The following SPRYD7 variants were observed in gnomAD, a reference collection of about 807,000 sequenced individuals.
SPRYD7 encodes the protein SPRY domain-containing protein 7.
In SPRYD7, 14 loss-of-function variants were observed where a neutral mutation model predicts 23.8. The ratio of observed to expected loss-of-function variants is 0.59; its 90% CI spans 0.39 to 0.92. SPRYD7 has a LOEUF of 0.92. Ranked by LOEUF, SPRYD7 falls within the 40% of genes least tolerant of loss-of-function variation. The pLI is 0.00. For synonymous variants in SPRYD7, 75 were observed against 84.9 expected (o/e 0.88, Z 0.64); for missense variants, 194 against 241.7 (o/e 0.80, Z 1.31).
At position 49,936,273 on chromosome 13, in the gene SPRYD7, C is replaced by T. The variant is rs529008293; in HGVS notation, c.-38G>A. The T allele has an allele frequency of 1.7e-5, 24 of 1,453,792 alleles. No homozygotes were observed. In the Admixed American group the frequency reaches 3.0e-4, roughly 18 times the overall value. 90.1% of individuals were successfully genotyped at this position (1,453,792 alleles called of 1,614,324 possible). A position where few individuals can be genotyped will look rare whatever the true frequency, so the allele number is the denominator to read the frequency against. On this transcript the variant is annotated 5_prime_UTR_variant, in exon 1 of 5. Coordinates refer to ENST00000361840, the MANE Select transcript of SPRYD7 (RefSeq NM_020456.4). ...ACCGACTCCGCCGCCGTCCCTAGAC[C>T]GAGGCGACACTGCCCCCCGCCGCTC... is the stretch of plus-strand genomic sequence containing the variant.
At chr13:49,917,054 G>C (rs1245483655) in intron 4 of SPRYD7, among the ~76,000 whole-genome samples, 3 of 152,142 alleles carry the variant, frequency 2.0e-5, no homozygotes, top group Admixed American at 6.6e-5. Context: ...GAAAATTATT[G>C]AGAGCTCAGA....
At chr13:49,931,272 TG>T (rs1955945259) in intron 1 of SPRYD7, 138 bp from the exon 2 acceptor site, 1 of 455,022 alleles carries the variant, frequency 2.2e-6, no homozygotes, top group Non-Finnish European at 3.9e-6. Flanking sequence ...CTCTGCCTCC[TG>T]GGTTCAAGTG....
At chr13:49,935,456 A>T (rs1023976157) in intron 1 of SPRYD7, among the ~76,000 whole-genome samples, 1 of 152,208 alleles carries the variant, frequency 6.6e-6, no homozygotes, top group Non-Finnish European at 1.5e-5. Flanking sequence ...ATGGATTTGG[A>T]ATTAAAAGGA....
At chr13:49,936,076 C>T in intron 1 of SPRYD7, 54 bp downstream of exon 1, 2 of 1,403,678 alleles carry the variant, frequency 1.4e-6, no homozygotes, top group East Asian at 2.8e-5. Context: ...GTCCCCCTGC[C>T]CGCCGCGCCC....
intron 1 of SPRYD7, among the ~76,000 whole-genome samples, chr13:49,933,580 C>G (rs565417368): frequency 2.1e-5 from 3 of 142,948 alleles, no homozygotes; most frequent in African/African-American, 7.8e-5. Flanking sequence ...CCAGCCTGGG[C>G]GACAGAGCGA....
At chr13:49,926,682 ATTCT>A (rs1345040646) in intron 3 of SPRYD7, among the ~76,000 whole-genome samples, 6 of 152,192 alleles carry the variant, frequency 3.9e-5, no homozygotes, top group African/African-American at 1.4e-4. Context: ...ACCTTTCTTC[ATTCT>A]TTCTAAAATA....
Position 49,913,900 on chromosome 13 carries a change from G to A in SPRYD7, c.*1163C>T, listed in dbSNP as rs567208908. The A allele has an allele frequency of 2.0e-5, 3 of 152,206 alleles. No individual in the cohort carries two copies. The highest frequency in any genetic ancestry group is 2.9e-5 in the Non-Finnish European group (2 of 68,044). The allele number at this position is 152,206 out of a possible 1,614,324, so 9.4% of individuals were successfully genotyped here. A position where few individuals can be genotyped will look rare whatever the true frequency, so the allele number is the denominator to read the frequency against. On this transcript the variant is annotated 3_prime_UTR_variant, in exon 5 of 5. Coordinates refer to ENST00000361840, the MANE Select transcript of SPRYD7 (RefSeq NM_020456.4). Reference sequence around the variant, plus strand: ...CATAGAATCTTATGTCAGTATGATTGCTCCTTTTATAAATGGGAATCTGAG... The same window carrying A: ...CATAGAATCTTATGTCAGTATGATTACTCCTTTTATAAATGGGAATCTGAG...
rs571531083 is a variant in SPRYD7, at chr13:49,924,175, C to T, written c.391-2595G>A. Among the ~76,000 whole-genome samples, 36 of 151,900 alleles carry T rather than the reference C, an allele frequency of 2.4e-4. 1 individual carries two copies. Among genetic ancestry groups the T allele is most frequent in the South Asian group, 2.1e-3 (10 of 4,812 alleles). On this transcript the variant is annotated intron_variant, in intron 3 of 4. Coordinates refer to ENST00000361840, the MANE Select transcript of SPRYD7 (RefSeq NM_020456.4). ...TTTTTTGTATTTTTTTTAGTAGAGA[C>T]GGGGTTTCTCCATGTTGGTCAGGCT...
chr13:49,923,240 G>A (rs1955839963), intron 3 of SPRYD7, among the ~76,000 whole-genome samples: 1 of 151,918 alleles, frequency 6.6e-6, no homozygotes, highest in Non-Finnish European at 1.5e-5. Context: ...AAACAAACAA[G>A]TTTGTTTTTT....
chr13:49,921,641 G>T, intron 3 of SPRYD7, 61 bp from the exon 4 acceptor site: 1 of 1,042,168 alleles, frequency 9.6e-7, no homozygotes, highest in Non-Finnish European at 1.5e-6. Flanking sequence ...CATTGACTGG[G>T]AAGTATGGAA....
At chr13:49,927,546 AT>A (rs1955896366) in intron 3 of SPRYD7, among the ~76,000 whole-genome samples, 1 of 152,034 alleles carries the variant, frequency 6.6e-6, no homozygotes, top group East Asian at 1.9e-4. Context: ...TCCCTAAGAG[AT>A]ATCCAGCCTT....
intron 3 of SPRYD7, among the ~76,000 whole-genome samples, chr13:49,926,470 T>C (rs192000710): frequency 6.6e-6 from 1 of 152,316 alleles, no homozygotes; most frequent in East Asian, 1.9e-4. Context: ...CTGGCAATGA[T>C]CTACAAATAC....
chr13:49,924,981 A>T lies in SPRYD7; in HGVS notation c.390+2938T>A, dbSNP rs955868211. Among the ~76,000 whole-genome samples the T allele has an allele frequency of 8.1e-4, 109 of 135,058 alleles. 1 individual carries two copies. Among genetic ancestry groups the T allele is most frequent in the African/African-American group, 2.9e-3 (104 of 35,722 alleles). The allele number at this position is 135,058 out of a possible 152,430, so 88.6% of individuals were successfully genotyped here. A position where few individuals can be genotyped will look rare whatever the true frequency, so the allele number is the denominator to read the frequency against. On this transcript the variant is annotated intron_variant, in intron 3 of 4. Coordinates refer to ENST00000361840, the MANE Select transcript of SPRYD7 (RefSeq NM_020456.4). ...ACAAGAGCAAAACTCCATCTCAAAA[A>T]AAAAAAATAAATAAATAATAATAAT...
intron 1 of SPRYD7, among the ~76,000 whole-genome samples, chr13:49,931,429 CTTGGCCTCCCAAAG>C (rs1654820389): frequency 1.3e-5 from 2 of 152,266 alleles, no homozygotes; most frequent in Admixed American, 1.3e-4. Flanking sequence ...ATCCGCCCAC[CTTGGCCTCCCAAAG>C]TTCTGGGATT....
chr13:49,926,813 G>A (rs115295000), intron 3 of SPRYD7, among the ~76,000 whole-genome samples: 2,535 of 152,188 alleles, frequency 0.017, 57 homozygotes, highest in African/African-American at 0.058. Context: ...AGAACCCAAG[G>A]TTCAGTGTAC....
chr13:49,930,506 G>A (rs1156726787), intron 2 of SPRYD7, among the ~76,000 whole-genome samples: 5 of 151,894 alleles, frequency 3.3e-5, no homozygotes, highest in Non-Finnish European at 5.9e-5. Context: ...GCTTGAACCC[G>A]GGAGGCGGAG....
intron 4 of SPRYD7, among the ~76,000 whole-genome samples, chr13:49,919,940 G>A (rs953960501): frequency 6.6e-6 from 1 of 151,948 alleles, no homozygotes; most frequent in Admixed American, 6.6e-5. Flanking sequence ...AGCATTGGGG[G>A]TGGGGGGGTG....
Position 49,915,221 on chromosome 13 carries a change from C to T in SPRYD7, c.494-61G>A, listed in dbSNP as rs1955739703. The T allele has an allele frequency of 5.7e-6, 4 of 703,786 alleles. No homozygotes were observed. The South Asian group carries it at 6.5e-5, about 11-fold the overall frequency. 43.6% of individuals were successfully genotyped at this position (703,786 alleles called of 1,614,324 possible). ...GCAAATACTTTAATTTCAATGAATA[C>T]ATAATTATAAAATAAAATAAACTGT... is the stretch of plus-strand genomic sequence containing the variant. On this transcript the variant is annotated intron_variant, in intron 4 of 4. Transcript: ENST00000361840.
intron 3 of SPRYD7, among the ~76,000 whole-genome samples, chr13:49,924,994 A>AATAATAAT (rs773189375): frequency 5.9e-5 from 8 of 135,794 alleles, no homozygotes; most frequent in African/African-American, 1.6e-4. Context: ...AAAAATAAAT[A>AATAATAAT]AATAATAATA....
Sources: gnomAD v4.1 joint callset for allele counts (sites outside exome capture counted in the v4.1 genomes callset) on GRCh38, gnomAD v4.1.1 for gene constraint, MANE v1.5 for transcripts, NCBI Gene and HGNC (gene_info 2026-07-23, HGNC 2026-07-21) for gene names.